NOC4L: variants seen among roughly 807,000 people sequenced by gnomAD.
NOC4L encodes nucleolar complex associated 4 homolog.
In NOC4L, 40 loss-of-function variants were observed where a neutral mutation model predicts 62.8. The ratio of observed to expected loss-of-function variants is 0.64; its 90% confidence interval spans 0.49 to 0.83. The LOEUF is 0.83. Ranked by LOEUF, NOC4L falls within the 40% of genes least tolerant of loss-of-function variation. The probability of loss-of-function intolerance (pLI) is 0.00; values close to 1 mark genes in which losing one functional copy is unlikely to be tolerated. For synonymous variants in NOC4L, 433 were observed against 299.8 expected, an observed-to-expected ratio of 1.44 and a Z score of -4.59; for missense variants, 927 against 701.9, an observed-to-expected ratio of 1.32 and a Z score of -3.62.
intron 3 of NOC4L, 40 bp downstream of exon 3, chr12:132,145,705 C>A: frequency 1.5e-6 from 2 of 1,375,402 alleles, no homozygotes; most frequent in Non-Finnish European, 2.1e-6. Context: ...CCATCCCCTG[C>A]ACCCCAACTC....
intron 8 of NOC4L, 49 bp from the exon 9 acceptor site, chr12:132,148,735 C>CCCCCGGG: frequency 7.6e-7 from 1 of 1,309,290 alleles, no homozygotes; most frequent in Non-Finnish European, 1.0e-6. Flanking sequence ...CCCGACCCGC[C>CCCCCGGG]GGCCCCCGCC....
Position 132,151,795 on chromosome 12 carries a change from T to G in NOC4L, c.1292T>G (p.Leu431Trp). The G allele has an allele frequency of 4.3e-6, 7 of 1,612,156 alleles. No homozygotes were observed. Among genetic ancestry groups the G allele is most frequent in the Non-Finnish European group, 5.9e-6 (7 of 1,179,754 alleles). Residue 431 changes from leucine to tryptophan, a missense_variant, in exon 13 of 15, where the codon TTG becomes TGG. By Grantham distance (61) the Leu-to-Trp change is moderately conservative. Transcript: ENST00000330579. ...GEEDPAQSRA[L>W]ESSLWELQAL... ...GAGGACCCAGCCCAGAGCCGGGCCT[T>G]GGAGAGCTCCCTGTGGGAGCTTCAG... is the stretch of plus-strand genomic sequence containing the variant.
rs757080277 is a variant in NOC4L, at chr12:132,148,837, G to A, written c.843G>A (p.Leu281=). ...KVLLIVHDAI[L]PQLAQPTLMI... ...TGCTGATTGTGCATGACGCCATCCT[G>A]CCGCAGCTGGCGCAGCCCACGCTCA... is the stretch of plus-strand genomic sequence containing the variant. The change falls in exon 9 of 15, where the codon CTG becomes CTA. Residue 281 remains leucine (L), a synonymous_variant. Coordinates refer to ENST00000330579, the MANE Select transcript of NOC4L (RefSeq NM_024078.3). The A allele has an allele frequency of 5.6e-6, 9 of 1,602,914 alleles. No homozygotes were observed. In the East Asian group the frequency reaches 1.8e-4, roughly 32 times the overall value.
chr12:132,147,567 T>A (rs1450326994), intron 4 of NOC4L, 66 bp from the exon 5 acceptor site: 2 of 1,574,100 alleles, frequency 1.3e-6, no homozygotes, highest in Non-Finnish European at 1.7e-6. Flanking sequence ...GGGGCAGGGC[T>A]GCCTGCCTGG....
At position 132,144,984 on chromosome 12, in the gene NOC4L, G is replaced by T; in HGVS notation, c.238+10G>T. 6.3e-7 allele frequency: 1 copy of T among 1,589,710 alleles called. No individual in the cohort carries two copies. The highest frequency in any genetic ancestry group is 8.6e-7 in the Non-Finnish European group (1 of 1,168,380). On this transcript the variant is annotated intron_variant, in intron 2 of 14. Transcript: ENST00000330579. ...GAGATGGTCATGACAGGTGAGCCCT[G>T]GAGGGCCCCGGGGCTGCTCTTCTCT... is the stretch of plus-strand genomic sequence containing the variant.
In NOC4L at chr12:132,151,758, G is replaced by A. The variant is rs777312017; in HGVS notation, c.1255G>A (p.Asp419Asn). The A allele has an allele frequency of 4.1e-5, 66 of 1,612,226 alleles. No individual in the cohort carries two copies. Among genetic ancestry groups the A allele is most frequent in the East Asian group, 2.2e-4 (10 of 44,858 alleles). The change falls in exon 13 of 15, where the codon GAC (aspartate) becomes AAC (asparagine). Residue 419 changes from aspartate (D) to asparagine (N), a missense_variant. Transcript: ENST00000330579. ...CCTAGAGTTGGACGCCGACCCCTAC[G>A]ACCCTGGAGAGGAGGACCCAGCCCA... is the stretch of plus-strand genomic sequence containing the variant. ...HGPELDADPY[D>N]PGEEDPAQSR...
Position 132,148,839 on chromosome 12 carries a change from C to G in NOC4L, c.845C>G (p.Pro282Arg), listed in dbSNP as rs543985948. ...VLLIVHDAILPQLAQPTLMID... is the reference protein window; with the variant it reads ...VLLIVHDAILRQLAQPTLMID... ...CTGATTGTGCATGACGCCATCCTGC[C>G]GCAGCTGGCGCAGCCCACGCTCATG... Residue 282 changes from proline to arginine, a missense_variant, in exon 9 of 15, where the codon CCG (proline) becomes CGG (arginine). Pro to Arg is a moderately radical substitution (Grantham distance 103). Coordinates refer to ENST00000330579, the MANE Select transcript of NOC4L (RefSeq NM_024078.3). The G allele has an allele frequency of 3.1e-6, 5 of 1,602,778 alleles. No individual in the cohort carries two copies. Among genetic ancestry groups the G allele is most frequent in the Non-Finnish European group, 3.4e-6 (4 of 1,178,622 alleles).
Position 132,144,594 on chromosome 12 carries a change from G to T in NOC4L, c.106G>T (p.Ala36Ser). The T allele has an allele frequency of 6.6e-7, 1 of 1,521,208 alleles. No individual in the cohort carries two copies. Among genetic ancestry groups the T allele is most frequent in the Non-Finnish European group, 8.8e-7 (1 of 1,140,986 alleles). 94.2% of individuals were successfully genotyped at this position (1,521,208 alleles called of 1,614,324 possible). ...GGCCAACGCCGTGTTCGACATCCTG[G>T]CCGTGCTGCAGGTGGGCCTGGCGGC... ...SEANAVFDILAVLQSEDQEEI... is the reference protein window; with the variant it reads ...SEANAVFDILSVLQSEDQEEI... Residue 36 changes from alanine to serine, a missense_variant, in exon 1 of 15, where the codon GCC (alanine) becomes TCC (serine). Coordinates refer to ENST00000330579, the MANE Select transcript of NOC4L (RefSeq NM_024078.3).
Position 132,144,796 on chromosome 12 carries a change from A to C in NOC4L, c.118-58A>C, listed in dbSNP as rs975176433. 2.6e-6 allele frequency: 4 copies of C among 1,565,996 alleles called. No individual in the cohort carries two copies. The African/African-American group carries it at 5.4e-5, about 21-fold the overall frequency. On this transcript the variant is annotated intron_variant, in intron 1 of 14. Transcript: ENST00000330579. Reference sequence around the variant, plus strand: ...GAAGGGAACGGGTTGGGGGCAGCCTAGGCAGGGGCGAAGGTGACAGTTGGC... The same window carrying C: ...GAAGGGAACGGGTTGGGGGCAGCCTCGGCAGGGGCGAAGGTGACAGTTGGC...
chr12:132,147,920 C>T lies in NOC4L; in HGVS notation c.644C>T (p.Ser215Phe), dbSNP rs11543303. 1.7e-5 allele frequency: 28 copies of T among 1,602,984 alleles called. No homozygotes were observed. The highest frequency in any genetic ancestry group is 2.3e-5 in the Non-Finnish European group (27 of 1,175,814). Reference protein sequence around the residue: ...AFWNNAFTLLSAVSLPRREPT... With the variant: ...AFWNNAFTLLFAVSLPRREPT... ...TGGAACAATGCCTTCACGCTGCTGT[C>T]TGCCGTGAGCCTGCCCCGCCGGGAG... Residue 215 changes from serine (S) to phenylalanine (F), a missense_variant, in exon 6 of 15, where the codon TCT (serine) becomes TTT (phenylalanine). Physicochemically the swap from Ser to Phe is radical, Grantham distance 155. Coordinates refer to ENST00000330579, the MANE Select transcript of NOC4L (RefSeq NM_024078.3).
rs546398333 is a variant in NOC4L at position 132,150,911 on chromosome 12, C to G, written c.902-70C>G. 2.6e-5 allele frequency: 30 copies of G among 1,158,682 alleles called. 1 individual carries two copies. In the East Asian group the frequency reaches 6.3e-4, roughly 24 times the overall value. 71.8% of individuals were successfully genotyped at this position (1,158,682 alleles called of 1,614,324 possible). A position where few individuals can be genotyped will look rare whatever the true frequency, so the allele number is the denominator to read the frequency against. ...AGAGGCCACACTCCACAGACTTACA[C>G]TCAGTGTGGGCAGGGGGTAGGGTGG... On this transcript the variant is annotated intron_variant, in intron 9 of 14. Coordinates refer to ENST00000330579, the MANE Select transcript of NOC4L (RefSeq NM_024078.3).
chr12:132,152,145 T>A lies in NOC4L; in HGVS notation c.1379T>A (p.Leu460Gln). 3 of 1,611,206 alleles carry A rather than the reference T, an allele frequency of 1.9e-6. No individual in the cohort carries two copies. The highest frequency in any genetic ancestry group is 1.3e-5 in the African/African-American group (1 of 74,952). Residue 460 changes from leucine to glutamine, a missense_variant, in exon 14 of 15, where the codon CTG (leucine) becomes CAG (glutamine). Physicochemically the swap from Leu to Gln is moderately radical, Grantham distance 113. Coordinates refer to ENST00000330579, the MANE Select transcript of NOC4L (RefSeq NM_024078.3). ...SKAASVINQA[L>Q]SMPEVSIAPL... ...GCCGCCAGCGTCATCAACCAGGCCCTGTCCATGCCTGAGGTCAGCATCGCG... is the reference window on the plus strand; with the variant it reads ...GCCGCCAGCGTCATCAACCAGGCCCAGTCCATGCCTGAGGTCAGCATCGCG...
intron 9 of NOC4L, 110 bp from the exon 10 acceptor site, chr12:132,150,871 G>C (rs1403086123): frequency 1.3e-6 from 1 of 770,356 alleles, no homozygotes; most frequent in African/African-American, 1.7e-5. Flanking sequence ...GGCTGTGGGA[G>C]GGGACAGCAG....
intron 7 of NOC4L, 119 bp from the exon 8 acceptor site, chr12:132,148,490 C>T (rs1236825326): frequency 2.7e-6 from 3 of 1,108,566 alleles, no homozygotes; most frequent in Non-Finnish European, 2.6e-6. Context: ...AAGGCAGGGT[C>T]AGAAAAGTGG....
rs1417049267 is a variant in NOC4L, at chr12:132,151,323, A to G, written c.1028A>G (p.Tyr343Cys). 2 of 1,611,706 alleles carry G rather than the reference A, an allele frequency of 1.2e-6. No homozygotes were observed. Among genetic ancestry groups the G allele is most frequent in the Non-Finnish European group, 1.7e-6 (2 of 1,179,938 alleles). ...GACCCCTCTGTCTTTCACGTCAAGT[A>G]CCGCGCCCGCTTCTTCCACCTGGCT... Reference protein sequence around the residue: ...LLDPSVFHVKYRARFFHLADL... With the variant: ...LLDPSVFHVKCRARFFHLADL... The change falls in exon 11 of 15, where the codon TAC (tyrosine) becomes TGC (cysteine). Residue 343 changes from tyrosine (Y) to cysteine (C), a missense_variant. By Grantham distance (194) the Tyr-to-Cys change is radical (BLOSUM62 -2). Transcript: ENST00000330579.
At chr12:132,145,759 C>T in intron 3 of NOC4L, 94 bp downstream of exon 3, 2 of 815,658 alleles carry the variant, frequency 2.5e-6, no homozygotes, top group Non-Finnish European at 4.0e-6. Context: ...CCACAATTGT[C>T]CAGGCAAAGC....
rs1333884372 is a variant in NOC4L, at chr12:132,147,400, G to T, written c.453+12G>T. On this transcript the variant is annotated intron_variant, in intron 4 of 14. Coordinates refer to ENST00000330579, the MANE Select transcript of NOC4L (RefSeq NM_024078.3). Reference sequence around the variant, plus strand: ...GAGAGCTCTTCAAGGTGAGGGCCTTGCTGGGGACTCCCAGAGGGCCTGGCT... The same window carrying T: ...GAGAGCTCTTCAAGGTGAGGGCCTTTCTGGGGACTCCCAGAGGGCCTGGCT... 3.2e-6 allele frequency: 5 copies of T among 1,542,118 alleles called. No homozygotes were observed. The highest frequency in any genetic ancestry group is 3.5e-6 in the Non-Finnish European group (4 of 1,131,946).
Position 132,151,242 on chromosome 12 carries a change from TC to T in NOC4L, c.963-10del, listed in dbSNP as rs752496309. The T allele has an allele frequency of 3.8e-6, 6 of 1,598,318 alleles. No homozygotes were observed. Among genetic ancestry groups the T allele is most frequent in the South Asian group, 3.3e-5 (3 of 90,804 alleles). The stretch of plus-strand genomic sequence containing the variant: ...GGGCCCTGCTCCATCCGCTGCTCCT[TC>T]CCCCCGGCCCGCAGGGAGTACCCTG... On this transcript the variant is annotated splice_polypyrimidine_tract_variant and intron_variant, in intron 10 of 14. Transcript: ENST00000330579.
rs374273862 is a variant in NOC4L at position 132,148,312 on chromosome 12, C to T, written c.738+206C>T. On this transcript the variant is annotated intron_variant, in intron 7 of 14. Transcript: ENST00000330579. ...GACCCTCCCTTGGGTCAGAGGCCAC[C>T]GCCGCCTCTTGGAGTCAAGCCTCTG... Among the ~76,000 whole-genome samples, 866 of 152,314 alleles carry T rather than the reference C, an allele frequency of 5.7e-3. 5 individuals are homozygous for T. The highest frequency in any genetic ancestry group is 0.019 in the African/African-American group (796 of 41,558).
Sources: allele counts gnomAD v4.1 joint callset (sites outside exome capture counted in the v4.1 genomes callset), GRCh38; gene constraint gnomAD v4.1.1; transcripts MANE v1.5; gene names NCBI Gene and HGNC (gene_info 2026-07-23, HGNC 2026-07-21).